TOX: variants seen among roughly 807,000 people sequenced by gnomAD.
The protein encoded by TOX is thymocyte selection associated high mobility group box.
In TOX, 11 loss-of-function variants were observed where a neutral mutation model predicts 53.7. The ratio of observed to expected loss-of-function variants is 0.20; its 90% CI spans 0.13 to 0.34. The LOEUF (loss-of-function observed/expected upper bound fraction) is 0.34. TOX is among the 10% of genes least tolerant of loss of function. TOX has a pLI of 1.00. For missense variants in TOX, 570 were observed against 664.6 expected, an observed-to-expected ratio of 0.86 and a Z score of 1.56; for synonymous variants, 225 against 245.3, an observed-to-expected ratio of 0.92 and a Z score of 0.77.
At chr8:59,025,966 T>G (rs1814228884) in intron 1 of TOX, among the ~76,000 whole-genome samples, 1 of 152,182 alleles carries the variant, frequency 6.6e-6, no homozygotes, top group African/African-American at 2.4e-5. Context: ...GAACTGGTTG[T>G]AAGCAATGCA....
At chr8:58,967,191 A>G (rs1354305626) in intron 1 of TOX, among the ~76,000 whole-genome samples, 1 of 152,186 alleles carries the variant, frequency 6.6e-6, no homozygotes, top group Non-Finnish European at 1.5e-5. Context: ...TCTTTTAACT[A>G]GTATTAAGTA....
At chr8:58,922,519 CACACACACAA>C (rs1268319858) in intron 3 of TOX, among the ~76,000 whole-genome samples, 2 of 151,966 alleles carry the variant, frequency 1.3e-5, no homozygotes, top group Non-Finnish European at 1.5e-5. Context: ...ATAGGTGTTA[CACACACACAA>C]ACACACACAT....
intron 3 of TOX, 26 bp downstream of exon 3, chr8:58,939,276 C>T: frequency 3.1e-6 from 5 of 1,612,620 alleles, no homozygotes; most frequent in East Asian, 2.2e-5. Flanking sequence ...TCAGCCCCCA[C>T]CACAAACAGG....
chr8:58,944,287 T>G (rs535046279), intron 2 of TOX, among the ~76,000 whole-genome samples: 1 of 152,300 alleles, frequency 6.6e-6, no homozygotes, highest in Non-Finnish European at 1.5e-5. Flanking sequence ...GGAAAATAGA[T>G]GAACTTTTCA....
intron 3 of TOX, among the ~76,000 whole-genome samples, chr8:58,874,994 G>A (rs572595850): frequency 2.0e-5 from 3 of 152,334 alleles, no homozygotes; most frequent in African/African-American, 7.2e-5. Context: ...TGGCCTGTGG[G>A]CCATGGATTG....
intron 3 of TOX, among the ~76,000 whole-genome samples, chr8:58,921,097 G>A (rs1812066672): frequency 6.6e-6 from 1 of 152,116 alleles, no homozygotes; most frequent in Non-Finnish European, 1.5e-5. Context: ...AGAACCAGGA[G>A]GTACTGTTCA....
intron 1 of TOX, among the ~76,000 whole-genome samples, chr8:58,975,691 G>A (rs1326013136): frequency 6.6e-6 from 1 of 152,164 alleles, no homozygotes; most frequent in Non-Finnish European, 1.5e-5. Flanking sequence ...TCTTTTTGCT[G>A]GTGGAGGGTC....
At chr8:59,005,444 G>T (rs1307409985) in intron 1 of TOX, among the ~76,000 whole-genome samples, 1 of 152,116 alleles carries the variant, frequency 6.6e-6, no homozygotes, top group African/African-American at 2.4e-5. Context: ...TAAAAGGGAG[G>T]TCTATTCACT....
At chr8:59,069,935 G>C (rs534018318) in intron 1 of TOX, among the ~76,000 whole-genome samples, 1 of 152,334 alleles carries the variant, frequency 6.6e-6, no homozygotes, top group East Asian at 1.9e-4. Context: ...AACAGGTGAA[G>C]ACAATGTGTA....
rs1809967545 is a variant in TOX at position 58,806,005 on chromosome 8, C to T, written c.*1742G>A. 1 of 152,612 alleles carries T rather than the reference C, an allele frequency of 6.6e-6. No homozygotes were observed. Among genetic ancestry groups the T allele is most frequent in the Non-Finnish European group, 1.5e-5 (1 of 68,034 alleles). 9.5% of individuals were successfully genotyped at this position (152,612 alleles called of 1,614,324 possible). On this transcript the variant is annotated 3_prime_UTR_variant, in exon 9 of 9. Coordinates refer to ENST00000361421, the MANE Select transcript of TOX (RefSeq NM_014729.3). ...CATATTCCAAGAAAGAGACATCAGC[C>T]ATTCTCTTGGTTTCCAACCAGACTA... is the stretch of plus-strand genomic sequence containing the variant.
chr8:59,061,283 T>C (rs1375285241), intron 1 of TOX, among the ~76,000 whole-genome samples: 2 of 152,182 alleles, frequency 1.3e-5, no homozygotes, highest in African/African-American at 2.4e-5. Context: ...TTCTAAATAA[T>C]CAATGTGGAT....
intron 1 of TOX, among the ~76,000 whole-genome samples, chr8:59,055,706 T>G (rs1190722429): frequency 6.6e-6 from 1 of 152,208 alleles, no homozygotes; most frequent in East Asian, 1.9e-4. Flanking sequence ...AAAAACATTT[T>G]CTTCAAGGTA....
chr8:59,044,343 C>T (rs1803648953), intron 1 of TOX, among the ~76,000 whole-genome samples: 1 of 151,882 alleles, frequency 6.6e-6, no homozygotes, highest in Non-Finnish European at 1.5e-5. Context: ...AAGCCAATCA[C>T]ACATTTGGCA....
At chr8:58,863,730 A>C (rs1469630483) in intron 3 of TOX, among the ~76,000 whole-genome samples, 1 of 148,638 alleles carries the variant, frequency 6.7e-6, no homozygotes, top group Non-Finnish European at 1.5e-5. Flanking sequence ...AAATTCAATT[A>C]ATTTTTTTTT....
intron 1 of TOX, among the ~76,000 whole-genome samples, chr8:58,964,021 CAA>C (rs1341594245): frequency 6.6e-6 from 1 of 151,954 alleles, no homozygotes; most frequent in Non-Finnish European, 1.5e-5. Context: ...GCAGGTGACT[CAA>C]AGTCTTACAG....
intron 5 of TOX, among the ~76,000 whole-genome samples, chr8:58,831,619 C>T (rs1461538397): frequency 6.6e-6 from 1 of 152,146 alleles, no homozygotes; most frequent in Non-Finnish European, 1.5e-5. Context: ...TCTTTCTTTG[C>T]TCAATGGTTT....
intron 3 of TOX, among the ~76,000 whole-genome samples, chr8:58,928,922 A>G (rs191062385): frequency 1.5e-3 from 222 of 152,304 alleles, no homozygotes; most frequent in Non-Finnish European, 1.7e-3. Flanking sequence ...TAATAGCATG[A>G]TATGTTTACA....
At chr8:59,036,806 AT>A (rs1398686498) in intron 1 of TOX, among the ~76,000 whole-genome samples, 1 of 152,178 alleles carries the variant, frequency 6.6e-6, no homozygotes, top group East Asian at 1.9e-4. Context: ...ATTTGTCTTA[AT>A]AAGGTCTGTG....
Position 58,815,325 on chromosome 8 carries a change from C to T in TOX, c.1392+13G>A. 6.3e-7 allele frequency: 1 copy of T among 1,581,158 alleles called. No homozygotes were observed. Among genetic ancestry groups the T allele is most frequent in the Non-Finnish European group, 8.6e-7 (1 of 1,162,838 alleles). On this transcript the variant is annotated intron_variant, in intron 7 of 8. Transcript: ENST00000361421. ...AGGGGTGCACACTCTAAGTCCAGAG[C>T]CATTGCACTTACTTGCTGCATGGTG...
Sources: gnomAD v4.1 joint callset for allele counts (sites outside exome capture counted in the v4.1 genomes callset) on GRCh38, gnomAD v4.1.1 for gene constraint, MANE v1.5 for transcripts, NCBI Gene and HGNC (gene_info 2026-07-23, HGNC 2026-07-21) for gene names.